DRC1: variants seen among roughly 807,000 people sequenced by gnomAD.
DRC1 encodes dynein regulatory complex subunit 1.
Under a neutral mutation model 98.7 loss-of-function variants are expected in DRC1, and 74 were observed. The observed-to-expected ratio is 0.75, with a 90% CI of 0.62 to 0.91. The LOEUF is 0.91. DRC1 is among the 40% of genes least tolerant of loss of function. The pLI is 0.00. For synonymous variants in DRC1, 336 were observed against 334.1 expected (o/e 1.01, Z -0.06); for missense variants, 875 against 886.0 (o/e 0.99, Z 0.16).
Position 26,405,639 on chromosome 2 carries a change from TTTA to T in DRC1, c.155+3496_155+3498del, listed in dbSNP as rs1427334231. On this transcript the variant is annotated intron_variant, in intron 1 of 16. Transcript: ENST00000288710. The stretch of plus-strand genomic sequence containing the variant: ...TGGTATGGTGGTCTTGTTTTTTTTT[TTTA>T]AAGGCTATATCTTTTTTTTTTTTTT... Among the ~76,000 whole-genome samples, 6 of 149,512 alleles carry T rather than the reference TTTA, an allele frequency of 4.0e-5. 1 individual carries two copies. Among genetic ancestry groups the T allele is most frequent in the Non-Finnish European group, 8.9e-5 (6 of 67,708 alleles).
At position 26,414,383 on chromosome 2, in the gene DRC1, T is replaced by C. The variant is rs554304986; in HGVS notation, c.195T>C (p.Ser65=). The C allele has an allele frequency of 5.1e-5, 82 of 1,612,606 alleles. 2 individuals carry two copies. In the South Asian group the frequency reaches 8.4e-4, roughly 16 times the overall value. The change falls in exon 2 of 17, where the codon AGT becomes AGC. Residue 65 remains serine, a synonymous_variant. Transcript: ENST00000288710. ...AATATTTAGATGGGAAGAAGGAGAGTGAGGAGGATCAAAGCAAGAGCTACA... is the reference window on the plus strand; with the variant it reads ...AATATTTAGATGGGAAGAAGGAGAGCGAGGAGGATCAAAGCAAGAGCTACA... ...LGEYLDGKKE[S]EEDQSKSYKQ... is the part of the protein sequence containing the mutation.
chr2:26,453,498 A>G lies in DRC1; in HGVS notation c.1868A>G (p.Asn623Ser), dbSNP rs573043964. 126 of 1,614,206 alleles carry G rather than the reference A, an allele frequency of 7.8e-5. No homozygotes were observed. Among genetic ancestry groups the G allele is most frequent in the Admixed American group, 2.8e-4 (17 of 60,022 alleles). Residue 623 changes from asparagine (N) to serine (S), a missense_variant, in exon 14 of 17, where the codon AAT becomes AGT. Physicochemically the swap from Asn to Ser is conservative, Grantham distance 46. Transcript: ENST00000288710. ...CCCTCCCCCTGGGTCATCCACCCCA[A>G]TGATGTCCTCAAGATTCTGGAGGCC... ...TPPSPWVIHPNDVLKILEAFV... is the reference protein window; with the variant it reads ...TPPSPWVIHPSDVLKILEAFV...
intron 8 of DRC1, among the ~76,000 whole-genome samples, chr2:26,443,322 C>T (rs1242223982): frequency 6.6e-6 from 1 of 152,184 alleles, no homozygotes; most frequent in Non-Finnish European, 1.5e-5. Context: ...CTAAACATTG[C>T]GCCTGCCATG....
chr2:26,434,420 T>TAGG (rs1425075495), intron 7 of DRC1, among the ~76,000 whole-genome samples: 1 of 152,204 alleles, frequency 6.6e-6, no homozygotes, highest in Non-Finnish European at 1.5e-5. Flanking sequence ...CCTTATACAA[T>TAGG]CATTTAGGAT....
At chr2:26,409,303 G>T (rs1190175203) in intron 1 of DRC1, among the ~76,000 whole-genome samples, 1 of 152,048 alleles carries the variant, frequency 6.6e-6, no homozygotes, top group Non-Finnish European at 1.5e-5. Context: ...GCTTTATCCT[G>T]ACACCATATT....
At chr2:26,422,376 G>C (rs1211809839) in intron 3 of DRC1, among the ~76,000 whole-genome samples, 2 of 152,088 alleles carry the variant, frequency 1.3e-5, no homozygotes, top group Non-Finnish European at 2.9e-5. Flanking sequence ...AATATTGAGG[G>C]CTCCATGCAT....
At chr2:26,407,164 A>G (rs1678456063) in intron 1 of DRC1, among the ~76,000 whole-genome samples, 1 of 152,078 alleles carries the variant, frequency 6.6e-6, no homozygotes, top group South Asian at 2.1e-4. Flanking sequence ...GAACACATAC[A>G]TCTACCTTAG....
chr2:26,432,074 C>A, intron 7 of DRC1, 68 bp downstream of exon 7: 3 of 1,553,002 alleles, frequency 1.9e-6, no homozygotes, highest in South Asian at 1.2e-5. Context: ...GTGAATGTTT[C>A]ATATTTAGCA....
At chr2:26,402,169 G>T (rs201942850) in intron 1 of DRC1, 25 bp downstream of exon 1, 1 of 1,556,480 alleles carries the variant, frequency 6.4e-7, no homozygotes. Flanking sequence ...GGGCGGGGCG[G>T]GATCCGCGCC....
Position 26,418,850 on chromosome 2 carries a change from T to TTATATATTA in DRC1, c.244-2431_244-2423dup, listed in dbSNP as rs1678944944. Among the ~76,000 whole-genome samples, 3 of 138,630 alleles carry TTATATATTA rather than the reference T, an allele frequency of 2.2e-5. No individual in the cohort carries two copies. In the South Asian group the frequency reaches 6.5e-4, roughly 30 times the overall value. The allele number at this position is 138,630 out of a possible 152,430, so 90.9% of individuals were successfully genotyped here. On this transcript the variant is annotated intron_variant, in intron 2 of 16. Transcript: ENST00000288710. Reference sequence around the variant, plus strand: ...TAATATATAGTATATATAAAGCATATTATATATTATATATACAACATTATA... The same window carrying TTATATATTA: ...TAATATATAGTATATATAAAGCATATTATATATTATATATATTATATATACAACATTATA...
intron 4 of DRC1, among the ~76,000 whole-genome samples, chr2:26,429,185 G>GATT (rs10555604): frequency 5.0e-3 from 155 of 30,882 alleles, no homozygotes; most frequent in Middle Eastern, 0.018. Context: ...TTGTACAGAT[G>GATT]ATTATTATTA....
chr2:26,453,510 A>T lies in DRC1; in HGVS notation c.1880A>T (p.Lys627Met). 1 of 1,614,176 alleles carries T rather than the reference A, an allele frequency of 6.2e-7. No individual in the cohort carries two copies. The highest frequency in any genetic ancestry group is 1.1e-5 in the South Asian group (1 of 91,082). ...GTCATCCACCCCAATGATGTCCTCA[A>T]GATTCTGGAGGCCTTCGTCATGGGT... ...PWVIHPNDVLKILEAFVMGLK... is the reference protein window; with the variant it reads ...PWVIHPNDVLMILEAFVMGLK... Residue 627 changes from lysine to methionine, a missense_variant, in exon 14 of 17, where the codon AAG becomes ATG. Lys to Met is a moderately conservative substitution (Grantham distance 95, BLOSUM62 -1). Transcript: ENST00000288710.
chr2:26,439,940 C>T (rs1428048584), intron 7 of DRC1, among the ~76,000 whole-genome samples: 323 of 17,634 alleles, frequency 0.018, no homozygotes, highest in Non-Finnish European at 0.04. Flanking sequence ...TATATATACA[C>T]ACACACATAC....
intron 7 of DRC1, among the ~76,000 whole-genome samples, chr2:26,439,142 T>C (rs1663648337): frequency 6.6e-6 from 1 of 152,146 alleles, no homozygotes; most frequent in Non-Finnish European, 1.5e-5. Context: ...ATCTAAAACT[T>C]CTTGTGGTTT....
chr2:26,449,189 G>A (rs765733392), intron 11 of DRC1, among the ~76,000 whole-genome samples: 1 of 152,250 alleles, frequency 6.6e-6, no homozygotes, highest in Non-Finnish European at 1.5e-5. Flanking sequence ...TTGTTTTGGG[G>A]GTGACTCTGG....
intron 7 of DRC1, among the ~76,000 whole-genome samples, chr2:26,437,107 G>T (rs1663593881): frequency 6.6e-6 from 1 of 152,178 alleles, no homozygotes; most frequent in Non-Finnish European, 1.5e-5. Flanking sequence ...GACCAAGGTT[G>T]GTAACATTTG....
Position 26,411,883 on chromosome 2 carries a change from A to G in DRC1, c.156-2461A>G, listed in dbSNP as rs555440379. On this transcript the variant is annotated intron_variant, in intron 1 of 16. Coordinates refer to ENST00000288710, the MANE Select transcript of DRC1 (RefSeq NM_145038.5). ...TTTGTTTCTGAAGCACTGATCTTTGATCCAGAAAGCACTTGGAAGGGATTA... is the reference window on the plus strand; with the variant it reads ...TTTGTTTCTGAAGCACTGATCTTTGGTCCAGAAAGCACTTGGAAGGGATTA... Among the ~76,000 whole-genome samples, 4 of 152,072 alleles carry G rather than the reference A, an allele frequency of 2.6e-5. No homozygotes were observed. The South Asian group carries it at 8.3e-4, about 32-fold the overall frequency.
At chr2:26,411,098 G>A (rs1258322717) in intron 1 of DRC1, among the ~76,000 whole-genome samples, 1 of 152,184 alleles carries the variant, frequency 6.6e-6, no homozygotes, top group Non-Finnish European at 1.5e-5. Context: ...GGGCGGTGGT[G>A]AGGAAACAGC....
In DRC1 at chr2:26,449,966, G is replaced by A. The variant is rs372557573; in HGVS notation, c.1510-30G>A. 34 of 1,606,286 alleles carry A rather than the reference G, an allele frequency of 2.1e-5. No individual in the cohort carries two copies. The African/African-American group carries it at 2.7e-4, about 13-fold the overall frequency. On this transcript the variant is annotated intron_variant, in intron 11 of 16. Coordinates refer to ENST00000288710, the MANE Select transcript of DRC1 (RefSeq NM_145038.5). ...GGACTCGCTCCTGAAACCTGTCCCC[G>A]ACAGGAGATGCCTTCTTCCTTCTCC...
Sources: gnomAD v4.1 joint callset for allele counts (sites outside exome capture counted in the v4.1 genomes callset) on GRCh38, gnomAD v4.1.1 for gene constraint, MANE v1.5 for transcripts, NCBI Gene and HGNC (gene_info 2026-07-23, HGNC 2026-07-21) for gene names.